Variants in DLGAP2 observed in about 807,000 individuals in gnomAD.
The protein encoded by DLGAP2 is DLG associated protein 2, also known as disks large-associated protein 2.
Under a neutral mutation model 100.3 loss-of-function variants are expected in DLGAP2, and 26 were observed. The ratio of observed to expected loss-of-function variants is 0.26; its 90% CI spans 0.19 to 0.36. The LOEUF (loss-of-function observed/expected upper bound fraction) is 0.36. Among genes scored for constraint, DLGAP2 ranks in the 10% least tolerant of loss-of-function variants. DLGAP2 has a pLI of 1.00. For synonymous variants in DLGAP2, 886 were observed against 630.1 expected, an observed-to-expected ratio of 1.41 and a Z score of -6.08; for missense variants, 1,858 against 1,453.2, an observed-to-expected ratio of 1.28 and a Z score of -4.53.
At chr8:1,480,620 C>A (rs1009379370) in intron 3 of DLGAP2, among the ~76,000 whole-genome samples, 1 of 151,190 alleles carries the variant, frequency 6.6e-6, no homozygotes, top group African/African-American at 2.4e-5. Flanking sequence ...GAGGCCGAGG[C>A]GGGCGGATCA....
intron 2 of DLGAP2, among the ~76,000 whole-genome samples, chr8:993,971 A>C (rs1800710261): frequency 6.6e-6 from 1 of 152,018 alleles, no homozygotes; most frequent in South Asian, 2.1e-4. Context: ...GAGTAGACTT[A>C]GTATAGAGAA....
At chr8:976,707 A>G (rs1800173340) in intron 2 of DLGAP2, among the ~76,000 whole-genome samples, 2 of 152,240 alleles carry the variant, frequency 1.3e-5, no homozygotes, top group South Asian at 4.1e-4. Context: ...GCTTTTTCAA[A>G]AACGGTGCTG....
At chr8:1,515,385 C>A (rs138626728) in intron 4 of DLGAP2, among the ~76,000 whole-genome samples, 1 of 152,346 alleles carries the variant, frequency 6.6e-6, no homozygotes, top group African/African-American at 2.4e-5. Context: ...CATGCACATA[C>A]ATGAACACAC....
chr8:1,244,776 C>T (rs1563276909), intron 2 of DLGAP2, among the ~76,000 whole-genome samples: 2 of 152,180 alleles, frequency 1.3e-5, no homozygotes, highest in African/African-American at 4.8e-5. Context: ...AAAAGTAAAC[C>T]AGTTGAGCTT....
At position 1,575,797 on chromosome 8, in the gene DLGAP2, C is replaced by T. The variant is rs1014215040; in HGVS notation, c.1442+9903C>T. Among the ~76,000 whole-genome samples, 44 of 151,796 alleles carry T rather than the reference C, an allele frequency of 2.9e-4. 1 individual carries two copies. Among genetic ancestry groups the T allele is most frequent in the Non-Finnish European group, 8.8e-5 (6 of 67,946 alleles). On this transcript the variant is annotated intron_variant, in intron 6 of 14. Coordinates refer to ENST00000637795, the MANE Select transcript of DLGAP2 (RefSeq NM_001346810.2). ...TCCATGTCCCTACAAAGGACATGAA[C>T]TTGTCCTTTTTATGGCTGCGTAGTT...
At chr8:1,657,584 A>G (rs7826897) in intron 8 of DLGAP2, among the ~76,000 whole-genome samples, 33,448 of 152,184 alleles carry the variant, frequency 0.22, 4,489 homozygotes, top group East Asian at 0.47. Flanking sequence ...TTTTAACTTT[A>G]ATGAGCCATG....
intron 8 of DLGAP2, among the ~76,000 whole-genome samples, chr8:1,664,028 G>C (rs1798480835): frequency 6.6e-6 from 1 of 152,204 alleles, no homozygotes; most frequent in African/African-American, 2.4e-5. Context: ...TTATGCCAGA[G>C]AATAGTGGTT....
intron 8 of DLGAP2, among the ~76,000 whole-genome samples, chr8:1,648,087 A>C (rs11784628): frequency 6.6e-6 from 1 of 152,224 alleles, no homozygotes; most frequent in Non-Finnish European, 1.5e-5. Context: ...CCGTGCGTGT[A>C]CCGTGCCACA....
At chr8:1,043,724 G>T (rs550883794) in intron 2 of DLGAP2, among the ~76,000 whole-genome samples, 2 of 152,134 alleles carry the variant, frequency 1.3e-5, no homozygotes, top group South Asian at 2.1e-4. Flanking sequence ...GTTCTGGCCT[G>T]TTAGGTTGTC....
At chr8:1,502,751 G>T (rs1799766672) in intron 4 of DLGAP2, among the ~76,000 whole-genome samples, 1 of 152,190 alleles carries the variant, frequency 6.6e-6, no homozygotes, top group Non-Finnish European at 1.5e-5. Context: ...TTGTTTTCTT[G>T]AGGCTTTGGA....
At chr8:1,131,624 T>C (rs1796297093) in intron 2 of DLGAP2, among the ~76,000 whole-genome samples, 1 of 152,002 alleles carries the variant, frequency 6.6e-6, no homozygotes, top group African/African-American at 2.4e-5. Context: ...CTCCATACAG[T>C]GACTTTCATG....
intron 4 of DLGAP2, 86 bp from the exon 5 acceptor site, chr8:1,548,540 G>A: frequency 1.7e-6 from 2 of 1,169,640 alleles, no homozygotes; most frequent in Middle Eastern, 2.2e-4. Flanking sequence ...GATTAATGAA[G>A]TCCACGGTGG....
At chr8:1,603,703 A>G (rs1413032238) in intron 6 of DLGAP2, among the ~76,000 whole-genome samples, 2 of 151,790 alleles carry the variant, frequency 1.3e-5, no homozygotes, top group Non-Finnish European at 2.9e-5. Context: ...CCACACTGTG[A>G]TGGGCTCAGC....
At chr8:1,696,900 A>G (rs1799411744) in intron 13 of DLGAP2, among the ~76,000 whole-genome samples, 1 of 152,172 alleles carries the variant, frequency 6.6e-6, no homozygotes, top group South Asian at 2.1e-4. Context: ...CATCTGCCCC[A>G]TTCCCAGCAT....
At chr8:1,150,769 A>T (rs540452374) in intron 2 of DLGAP2, among the ~76,000 whole-genome samples, 22 of 152,340 alleles carry the variant, frequency 1.4e-4, no homozygotes, top group African/African-American at 5.3e-4. Context: ...AGACTCAAAA[A>T]CATAGATGAG....
intron 1 of DLGAP2, among the ~76,000 whole-genome samples, chr8:801,420 T>C (rs540340829): frequency 2.6e-5 from 4 of 152,348 alleles, no homozygotes; most frequent in Admixed American, 6.5e-5. Context: ...CCCACTCTTA[T>C]GCTAAAGTCT....
chr8:1,485,640 T>C (rs1374214251), intron 3 of DLGAP2, among the ~76,000 whole-genome samples: 1 of 152,202 alleles, frequency 6.6e-6, no homozygotes. Context: ...CAGCTCCCAC[T>C]GTGGGAAGAC....
In DLGAP2 at chr8:1,491,383, T is replaced by TCCCCCTGACCCCGGAGGCTTCGGGCC. The variant is rs1563180305; in HGVS notation, c.107-9983_107-9982insCCCCCTGACCCCGGAGGCTTCGGGCC. Among the ~76,000 whole-genome samples, 37 of 149,222 alleles carry TCCCCCTGACCCCGGAGGCTTCGGGCC rather than the reference T, an allele frequency of 2.5e-4. No homozygotes were observed. In the South Asian group the frequency reaches 2.8e-3, roughly 11 times the overall value. On this transcript the variant is annotated intron_variant, in intron 3 of 14. Coordinates refer to ENST00000637795, the MANE Select transcript of DLGAP2 (RefSeq NM_001346810.2). ...CCCCCTGACCCCGGAGGCTTCGGGC[T>TCCCCCTGACCCCGGAGGCTTCGGGCC]GCTCCCCCTGACCTCGGAGGCTTCC...
chr8:1,675,284 C>T (rs780086250), intron 10 of DLGAP2, among the ~76,000 whole-genome samples: 2 of 152,230 alleles, frequency 1.3e-5, no homozygotes, highest in Non-Finnish European at 2.9e-5. Context: ...AGAGAGATCC[C>T]GGCAAGAGCC....
Sources: gnomAD v4.1 joint callset for allele counts (sites outside exome capture counted in the v4.1 genomes callset) on GRCh38, gnomAD v4.1.1 for gene constraint, MANE v1.5 for transcripts, NCBI Gene and HGNC (gene_info 2026-07-23, HGNC 2026-07-21) for gene names.